Variants in VPS13B observed in about 807,000 individuals in gnomAD.
VPS13B encodes the protein vacuolar protein sorting 13 homolog B.
A neutral mutation model predicts 426.4 loss-of-function variants in VPS13B; 285 were observed. The observed-to-expected ratio is 0.67, with a 90% CI of 0.61 to 0.74. The LOEUF (loss-of-function observed/expected upper bound fraction) is 0.74. Ranked by LOEUF, VPS13B falls within the 30% of genes least tolerant of loss-of-function variation. The pLI is 0.00. For missense variants in VPS13B, 4,537 were observed against 4,782.6 expected (o/e 0.95, Z 1.51); for synonymous variants, 1,676 against 1,676.4 (o/e 1.00, Z 0.01).
chr8:99,153,379 A>AT (rs904458787), intron 14 of VPS13B, among the ~76,000 whole-genome samples: 14 of 150,960 alleles, frequency 9.3e-5, no homozygotes, highest in African/African-American at 2.7e-4. Context: ...TTTGTTCCTG[A>AT]TTTTTTTTCC....
chr8:99,489,387 C>T (rs1820477091), intron 25 of VPS13B, among the ~76,000 whole-genome samples: 1 of 151,530 alleles, frequency 6.6e-6, no homozygotes, highest in African/African-American at 2.4e-5. Flanking sequence ...GCAATGCGGG[C>T]TCTTTTTTGG....
rs1162640154 is a variant in VPS13B, at chr8:99,871,630, A to C, written c.11678A>C (p.Gln3893Pro). The change falls in exon 61 of 62, where the codon CAG (glutamine) becomes CCG (proline). Residue 3893 changes from glutamine to proline, a missense_variant. Coordinates refer to ENST00000357162, the MANE Select transcript of VPS13B (RefSeq NM_152564.5). ...AFPVTEIDCA[Q>P]DSKQNNLLTV... ...CCCGTCACAGAAATCGACTGTGCAC[A>C]GGACAGCAAGCAGAACAACTTACTC... The C allele has an allele frequency of 6.2e-7, 1 of 1,614,216 alleles. No individual in the cohort carries two copies. The highest frequency in any genetic ancestry group is 1.7e-5 in the Admixed American group (1 of 60,032).
intron 17 of VPS13B, 69 bp from the exon 18 acceptor site, chr8:99,274,129 C>T: frequency 6.3e-7 from 1 of 1,597,338 alleles, no homozygotes; most frequent in Non-Finnish European, 8.6e-7. Context: ...AGTTTAAATG[C>T]CTTGGTGAAG....
At chr8:99,294,103 C>T (rs1302398252) in intron 19 of VPS13B, among the ~76,000 whole-genome samples, 5 of 78,800 alleles carry the variant, frequency 6.3e-5, no homozygotes, top group Admixed American at 1.0e-4. Context: ...ATGTTTATTG[C>T]GGCATTATTC....
intron 5 of VPS13B, among the ~76,000 whole-genome samples, chr8:99,104,700 T>G (rs146879521): frequency 0.065 from 9,846 of 152,022 alleles, 428 homozygotes; most frequent in South Asian, 0.11. Context: ...CTTGGCTCAC[T>G]GCAGCCTCGA....
Position 99,156,572 on chromosome 8 carries a change from T to C in VPS13B, c.2037T>C (p.Thr679=), listed in dbSNP as rs1275629837. ...AGAACTCAAGTAACTTCATGAATAC[T>C]ACAAACTTCCAGTCTCTTCGGCCTT... ...GEKNSSNFMN[T]TNFQSLRPLP... The change falls in exon 15 of 62, where the codon ACT becomes ACC. Residue 679 remains threonine (T), a synonymous_variant. Transcript: ENST00000357162. The C allele has an allele frequency of 1.2e-6, 2 of 1,613,932 alleles. No homozygotes were observed. Among genetic ancestry groups the C allele is most frequent in the Non-Finnish European group, 1.7e-6 (2 of 1,179,904 alleles).
intron 17 of VPS13B, among the ~76,000 whole-genome samples, chr8:99,267,044 G>C (rs1818345381): frequency 6.6e-6 from 1 of 152,188 alleles, no homozygotes; most frequent in Non-Finnish European, 1.5e-5. Context: ...AGAGGACTCA[G>C]AAGAAGACAG....
chr8:99,228,551 ATGTT>A (rs1296681360), intron 17 of VPS13B, among the ~76,000 whole-genome samples: 2 of 152,204 alleles, frequency 1.3e-5, no homozygotes, highest in African/African-American at 4.8e-5. Context: ...TAGAACGTGA[ATGTT>A]TGGGGCTTGA....
At chr8:99,635,447 C>T (rs182483756) in intron 33 of VPS13B, among the ~76,000 whole-genome samples, 1 of 151,870 alleles carries the variant, frequency 6.6e-6, no homozygotes, top group Admixed American at 6.6e-5. Flanking sequence ...TATTATATTA[C>T]CATAATTATG....
intron 17 of VPS13B, among the ~76,000 whole-genome samples, chr8:99,260,957 T>C (rs1214501942): frequency 6.6e-6 from 1 of 151,930 alleles, no homozygotes; most frequent in Non-Finnish European, 1.5e-5. Flanking sequence ...AAAAAAAAAC[T>C]TAATTTTTTT....
chr8:99,546,755 GA>G (rs536492398), intron 30 of VPS13B, among the ~76,000 whole-genome samples: 289 of 151,966 alleles, frequency 1.9e-3, no homozygotes, highest in Admixed American at 4.9e-3. Flanking sequence ...TAATTAAAGA[GA>G]AAAAAATTTA....
At chr8:99,851,331 C>T (rs1274003340) in intron 55 of VPS13B, among the ~76,000 whole-genome samples, 5 of 152,072 alleles carry the variant, frequency 3.3e-5, no homozygotes, top group Admixed American at 6.6e-5. Flanking sequence ...CAATCCCTTC[C>T]CTAGAGAAGA....
In VPS13B at chr8:99,013,951, G is replaced by C. The variant is rs1231706235; in HGVS notation, c.147+16G>C. The C allele has an allele frequency of 6.2e-7, 1 of 1,614,038 alleles. No individual in the cohort carries two copies. The highest frequency in any genetic ancestry group is 8.5e-7 in the Non-Finnish European group (1 of 1,179,952). ...GCTGGAACAGGTAAGCTATTTAGCT[G>C]TCATTAACTGGAAACAGTTTTCAGC... is the stretch of plus-strand genomic sequence containing the variant. On this transcript the variant is annotated intron_variant, in intron 2 of 61. Coordinates refer to ENST00000357162, the MANE Select transcript of VPS13B (RefSeq NM_152564.5).
At chr8:99,018,799 A>G (rs1034308755) in intron 2 of VPS13B, among the ~76,000 whole-genome samples, 2 of 152,228 alleles carry the variant, frequency 1.3e-5, no homozygotes, top group East Asian at 3.8e-4. Flanking sequence ...AAAAATCATA[A>G]ATGAATGCTG....
At position 99,353,724 on chromosome 8, in the gene VPS13B, T is replaced by C. The variant is rs116079945; in HGVS notation, c.2825-30484T>C. Among the ~76,000 whole-genome samples the C allele has an allele frequency of 1.5e-3, 222 of 152,304 alleles. 1 individual carries two copies. Among genetic ancestry groups the C allele is most frequent in the African/African-American group, 5.1e-3 (211 of 41,570 alleles). Reference sequence around the variant, plus strand: ...TATTGTCATTCCATTTATTTGACCTTAAGTTTTGCCAAAATTCTGTTTTCC... The same window carrying C: ...TATTGTCATTCCATTTATTTGACCTCAAGTTTTGCCAAAATTCTGTTTTCC... On this transcript the variant is annotated intron_variant, in intron 19 of 61. Coordinates refer to ENST00000357162, the MANE Select transcript of VPS13B (RefSeq NM_152564.5).
intron 35 of VPS13B, among the ~76,000 whole-genome samples, chr8:99,682,643 G>A (rs1012119251): frequency 2.0e-5 from 3 of 152,130 alleles, no homozygotes; most frequent in Non-Finnish European, 4.4e-5. Flanking sequence ...CTGGAGATGG[G>A]GCTAGGGAAG....
chr8:99,273,022 C>A (rs549841252), intron 17 of VPS13B, among the ~76,000 whole-genome samples: 33 of 152,138 alleles, frequency 2.2e-4, no homozygotes, highest in African/African-American at 8.0e-4. Context: ...ACAAATATTC[C>A]AAAATTCAGC....
intron 23 of VPS13B, among the ~76,000 whole-genome samples, chr8:99,445,280 T>C (rs1160460668): frequency 6.7e-6 from 1 of 149,020 alleles, no homozygotes; most frequent in Non-Finnish European, 1.5e-5. Flanking sequence ...AGTATAAACA[T>C]TTGGCAAGAC....
At position 99,835,739 on chromosome 8, in the gene VPS13B, G is replaced by A. The variant is rs1057517063; in HGVS notation, c.9942+1G>A. 1 of 1,614,042 alleles carries A rather than the reference G, an allele frequency of 6.2e-7. No individual in the cohort carries two copies. Among genetic ancestry groups the A allele is most frequent in the Non-Finnish European group, 8.5e-7 (1 of 1,179,988 alleles). ...TGACATCAACAGTCAGGGAACACAG[G>A]TCAGTGAGCCATGTGTTCCTGCCAA... On this transcript the variant is annotated splice_donor_variant, in intron 54 of 61. Transcript: ENST00000357162. LOFTEE classifies it high-confidence loss of function.
Sources: allele counts gnomAD v4.1 joint callset (sites outside exome capture counted in the v4.1 genomes callset), GRCh38; gene constraint gnomAD v4.1.1; transcripts MANE v1.5; gene names NCBI Gene and HGNC (gene_info 2026-07-23, HGNC 2026-07-21).